PLEKHG1: variants seen among roughly 807,000 people sequenced by gnomAD.
PLEKHG1 encodes the protein pleckstrin homology and RhoGEF domain containing G1.
Under a neutral mutation model 100.8 loss-of-function variants are expected in PLEKHG1, and 44 were observed. The ratio of observed to expected loss-of-function variants is 0.44; its 90% CI spans 0.34 to 0.56. PLEKHG1 has a LOEUF of 0.56. Ranked by LOEUF, PLEKHG1 falls within the 20% of genes least tolerant of loss-of-function variation. PLEKHG1 has a pLI of 0.01. For missense variants in PLEKHG1, 1,545 were observed against 1,720.9 expected, an observed-to-expected ratio of 0.90 and a Z score of 1.81; for synonymous variants, 640 against 662.5, an observed-to-expected ratio of 0.97 and a Z score of 0.52.
At chr6:150,833,922 C>A (rs1286014796) in intron 15 of PLEKHG1, among the ~76,000 whole-genome samples, 1 of 152,168 alleles carries the variant, frequency 6.6e-6, no homozygotes, top group Non-Finnish European at 1.5e-5. Context: ...TTGGGATTGA[C>A]ATTGACATCC....
chr6:150,643,674 G>T (rs974592588), intron 2 of PLEKHG1, among the ~76,000 whole-genome samples: 3 of 152,136 alleles, frequency 2.0e-5, no homozygotes, highest in Non-Finnish European at 4.4e-5. Context: ...AATGTGAGCC[G>T]TGTTTCTTGA....
At chr6:150,765,582 A>G (rs546337817) in intron 2 of PLEKHG1, among the ~76,000 whole-genome samples, 1 of 152,242 alleles carries the variant, frequency 6.6e-6, no homozygotes, top group South Asian at 2.1e-4. Context: ...TCTCATAGAA[A>G]TAAGGTAAGC....
chr6:150,836,452 A>G (rs923072214), intron 15 of PLEKHG1, among the ~76,000 whole-genome samples: 1 of 152,186 alleles, frequency 6.6e-6, no homozygotes, highest in African/African-American at 2.4e-5. Flanking sequence ...TATTGAGACC[A>G]CTTTCTGTCT....
At chr6:150,703,478 G>A (rs773816885) in intron 3 of PLEKHG1, among the ~76,000 whole-genome samples, 1 of 151,846 alleles carries the variant, frequency 6.6e-6, no homozygotes, top group African/African-American at 2.4e-5. Flanking sequence ...GCACATGCCT[G>A]TAATCCTAGC....
chr6:150,606,646 CCT>C (rs1177753918), intron 1 of PLEKHG1, among the ~76,000 whole-genome samples: 2 of 152,098 alleles, frequency 1.3e-5, no homozygotes, highest in African/African-American at 2.4e-5. Context: ...GCCTGTTGAC[CCT>C]CTCTAGCTTT....
At chr6:150,635,285 TC>T (rs1200441127) in intron 1 of PLEKHG1, among the ~76,000 whole-genome samples, 1 of 152,210 alleles carries the variant, frequency 6.6e-6, no homozygotes, top group Non-Finnish European at 1.5e-5. Context: ...CAAATTTTGC[TC>T]TTGATAAATG....
intron 14 of PLEKHG1, among the ~76,000 whole-genome samples, chr6:150,827,465 C>T (rs569166508): frequency 4.6e-5 from 7 of 151,814 alleles, no homozygotes; most frequent in Admixed American, 2.6e-4. Flanking sequence ...ATAGTAGAGA[C>T]GGGTTTCTTC....
chr6:150,670,281 T>G (rs1279566527), intron 3 of PLEKHG1, among the ~76,000 whole-genome samples: 1 of 152,256 alleles, frequency 6.6e-6, no homozygotes, highest in African/African-American at 2.4e-5. Flanking sequence ...TTTCATAGCC[T>G]TCCACTGACC....
At chr6:150,770,346 T>C (rs1488578226) in intron 3 of PLEKHG1, among the ~76,000 whole-genome samples, 1 of 152,222 alleles carries the variant, frequency 6.6e-6, no homozygotes, top group African/African-American at 2.4e-5. Context: ...AAATGTTCCT[T>C]GACTTGAAAT....
intron 2 of PLEKHG1, among the ~76,000 whole-genome samples, chr6:150,645,044 G>T (rs9480508): frequency 3.4e-4 from 51 of 152,198 alleles, no homozygotes; most frequent in Non-Finnish European, 6.3e-4. Context: ...TAATTCTGAA[G>T]AAACACATAG....
In PLEKHG1 at chr6:150,683,933, A is replaced by T; in HGVS notation, c.-99+33147A>T. 1 of 673,902 alleles carries T rather than the reference A, an allele frequency of 1.5e-6. No homozygotes were observed. Among genetic ancestry groups the T allele is most frequent in the Non-Finnish European group, 2.2e-6 (1 of 460,224 alleles). 41.7% of individuals were successfully genotyped at this position (673,902 alleles called of 1,614,324 possible). On this transcript the variant is annotated intron_variant, in intron 3 of 3. Transcript: ENST00000367326. This position sits in a 1 kb window ranked among gnomAD's most constrained non-coding sequence, Gnocchi z 4.0. ...GGCACCTGCAGCCAGGGTGGTGGCA[A>T]GGGCAGTGGCAAGTAGTGGGTTTCA... is the stretch of plus-strand genomic sequence containing the variant.
chr6:150,600,012 C>T lies in PLEKHG1; in HGVS notation c.-209C>T, dbSNP rs551526351. 1,180 of 239,556 alleles carry T rather than the reference C, an allele frequency of 4.9e-3. 12 individuals carry two copies. Among genetic ancestry groups the T allele is most frequent in the Middle Eastern group, 0.02 (12 of 606 alleles). 14.8% of individuals were successfully genotyped at this position (239,556 alleles called of 1,614,324 possible). A position where few individuals can be genotyped will look rare whatever the true frequency, so the allele number is the denominator to read the frequency against. On this transcript the variant is annotated 5_prime_UTR_variant, in exon 1 of 4. Transcript: ENST00000367326. The surrounding 1 kb of genome is among the most constrained non-coding windows in gnomAD (Gnocchi z 6.2). ...CGCCCGGGCATGCGAAGCCGTCCCT[C>T]CCCGGGTAAGCGCCGGTCGGGCCCG...
At chr6:150,815,639 T>C (rs934876614) in intron 10 of PLEKHG1, among the ~76,000 whole-genome samples, 3 of 152,316 alleles carry the variant, frequency 2.0e-5, no homozygotes, top group East Asian at 1.9e-4. Context: ...GTTACAAAAA[T>C]TGAAGCATTT....
intron 2 of PLEKHG1, among the ~76,000 whole-genome samples, chr6:150,639,308 A>G (rs9372082): frequency 0.15 from 22,770 of 152,034 alleles, 2,101 homozygotes; most frequent in Non-Finnish European, 0.2. Context: ...ATATTTCTCT[A>G]TTTTTCTTTT....
intron 3 of PLEKHG1, among the ~76,000 whole-genome samples, chr6:150,781,334 G>T (rs1046220081): frequency 2.1e-4 from 31 of 151,202 alleles, no homozygotes; most frequent in Non-Finnish European, 4.1e-4. Context: ...GTGAAACCCC[G>T]TCTCTACTAA....
chr6:150,837,607 G>T (rs548135129), intron 15 of PLEKHG1, among the ~76,000 whole-genome samples: 5 of 152,362 alleles, frequency 3.3e-5, no homozygotes, highest in African/African-American at 1.2e-4. Context: ...GAGCCTTCCT[G>T]ATACAGCTGT....
chr6:150,669,708 T>C (rs2128584199), intron 3 of PLEKHG1, among the ~76,000 whole-genome samples: 1 of 151,654 alleles, frequency 6.6e-6, no homozygotes, highest in Non-Finnish European at 1.5e-5. Flanking sequence ...ACGTTTCTCC[T>C]GCCTCAGCCT....
intron 3 of PLEKHG1, among the ~76,000 whole-genome samples, chr6:150,676,815 A>G (rs552713553): frequency 6.6e-6 from 1 of 152,292 alleles, no homozygotes; most frequent in African/African-American, 2.4e-5. Context: ...CCACCACCCT[A>G]TAACCAACTC....
intron 2 of PLEKHG1, among the ~76,000 whole-genome samples, chr6:150,739,865 T>G (rs1782760878): frequency 6.6e-6 from 1 of 152,150 alleles, no homozygotes; most frequent in Non-Finnish European, 1.5e-5. Context: ...GTTTATTGAG[T>G]GATCGTACAG....
Sources: gnomAD v4.1 joint callset for allele counts (sites outside exome capture counted in the v4.1 genomes callset) on GRCh38, gnomAD v4.1.1 for gene constraint, Gnocchi (gnomAD v3.1) non-coding constraint, MANE v1.5 for transcripts, NCBI Gene and HGNC (gene_info 2026-07-23, HGNC 2026-07-21) for gene names.